Variants in POLE observed in about 807,000 individuals in gnomAD.
POLE encodes DNA polymerase epsilon, catalytic subunit.
In POLE, 188 loss-of-function variants were observed where a neutral mutation model predicts 279.2. The observed-to-expected ratio is 0.67, with a 90% CI of 0.60 to 0.76. The LOEUF is 0.76. Ranked by LOEUF, POLE falls within the 30% of genes least tolerant of loss-of-function variation. POLE has a pLI of 0.00. For synonymous variants in POLE, 1,214 were observed against 1,172.5 expected, an observed-to-expected ratio of 1.04 and a Z score of -0.72; for missense variants, 2,703 against 3,016.7, an observed-to-expected ratio of 0.90 and a Z score of 2.44.
rs1291111416 is a variant in POLE, at chr12:132,634,390, G to A, written c.5812-12C>T. On this transcript the variant is annotated splice_polypyrimidine_tract_variant and intron_variant, in intron 42 of 48. Coordinates refer to ENST00000320574, the MANE Select transcript of POLE (RefSeq NM_006231.4). This position sits in a 1 kb window ranked among gnomAD's most constrained non-coding sequence, Gnocchi z 4.0. Reference sequence around the variant, plus strand: ...TTCTGGGAGTCTTGCTGTAACACATGAGACAACGCGGCTGTGTTTGCACCA... The same window carrying A: ...TTCTGGGAGTCTTGCTGTAACACATAAGACAACGCGGCTGTGTTTGCACCA... 2 of 1,609,680 alleles carry A rather than the reference G, an allele frequency of 1.2e-6. No homozygotes were observed. The highest frequency in any genetic ancestry group is 2.7e-5 in the African/African-American group (2 of 74,842).
Position 132,672,431 on chromosome 12 carries a change from G to A in POLE, c.1687-109C>T, listed in dbSNP as rs5744783. Reference sequence around the variant, plus strand: ...GGCAGGTTGTGCCCGAGAAAGCTCCGGAAGGACTCATGTGCACAATCTGCA... The same window carrying A: ...GGCAGGTTGTGCCCGAGAAAGCTCCAGAAGGACTCATGTGCACAATCTGCA... On this transcript the variant is annotated intron_variant, in intron 15 of 48. Coordinates refer to ENST00000320574, the MANE Select transcript of POLE (RefSeq NM_006231.4). 0.47 allele frequency: 518,201 copies of A among 1,109,762 alleles called. 124,564 individuals are homozygous for A. The highest frequency in any genetic ancestry group is 0.7 in the East Asian group (29,273 of 41,950). 68.7% of individuals were successfully genotyped at this position (1,109,762 alleles called of 1,614,324 possible).
chr12:132,648,567 A>G lies in POLE; in HGVS notation c.4149+362T>C, dbSNP rs5744911. Reference sequence around the variant, plus strand: ...ATAGTCATGCCACTAAAAGTCATTGAATTCTGCACTTTAAATGGGTGAGTT... The same window carrying G: ...ATAGTCATGCCACTAAAAGTCATTGGATTCTGCACTTTAAATGGGTGAGTT... On this transcript the variant is annotated intron_variant, in intron 32 of 48. Transcript: ENST00000320574. 2.3e-3 allele frequency: 448 copies of G among 193,990 alleles called. 6 individuals carry two copies. Among genetic ancestry groups the G allele is most frequent in the African/African-American group, 9.5e-3 (411 of 43,210 alleles). The allele number at this position is 193,990 out of a possible 1,614,324, so 12.0% of individuals were successfully genotyped here.
intron 38 of POLE, 66 bp downstream of exon 38, chr12:132,642,111 G>A: frequency 1.5e-6 from 2 of 1,341,956 alleles, no homozygotes; most frequent in Admixed American, 2.1e-5. Context: ...ATTGCCTTGA[G>A]AAGATGTCAC....
chr12:132,655,985 A>G (rs1406974668), intron 29 of POLE, among the ~76,000 whole-genome samples: 1 of 152,184 alleles, frequency 6.6e-6, no homozygotes, highest in African/African-American at 2.4e-5. Context: ...CAACATGGTG[A>G]AACCCCGTCT....
At chr12:132,682,305 T>TAAAA (rs1295336108) in intron 1 of POLE, among the ~76,000 whole-genome samples, 1 of 75,712 alleles carries the variant, frequency 1.3e-5, no homozygotes, top group African/African-American at 4.4e-5. Flanking sequence ...AAAAAAAAAA[T>TAAAA]AAATAAAAAT....
intron 1 of POLE, among the ~76,000 whole-genome samples, chr12:132,686,510 G>A (rs888739875): frequency 3.3e-5 from 5 of 152,052 alleles, no homozygotes; most frequent in Non-Finnish European, 5.9e-5. Flanking sequence ...CGAGGCGGGC[G>A]GATCACCTGA....
In POLE at chr12:132,680,017, G is replaced by A. The variant is rs768524608; in HGVS notation, c.360C>T (p.Leu120=). ...CAATTTTGCCCTGAAACTTCTTGGA[G>A]AGAAAAGATGAAACTTCTCGCTCAC... ...KGCEREVSSF[L]SKKFQGKIAK... Residue 120 remains leucine, a synonymous_variant, in exon 5 of 49, where the codon CTC becomes CTT. Transcript: ENST00000320574. The A allele has an allele frequency of 1.9e-6, 3 of 1,613,944 alleles. No individual in the cohort carries two copies. The highest frequency in any genetic ancestry group is 3.3e-5 in the Admixed American group (2 of 59,984).
At chr12:132,638,520 A>C in intron 40 of POLE, 1 of 168,234 alleles carries the variant, frequency 5.9e-6, no homozygotes, top group Non-Finnish European at 1.3e-5. Flanking sequence ...CTGCACCAAG[A>C]AGCACTTTTA....
rs5744741 is a variant in POLE at position 132,680,078 on chromosome 12, T to C, written c.331-32A>G. The C allele has an allele frequency of 2.3e-4, 363 of 1,598,892 alleles. 2 individuals are homozygous for C. In the East Asian group the frequency reaches 7.9e-3, roughly 35 times the overall value. On this transcript the variant is annotated intron_variant, in intron 4 of 48. Transcript: ENST00000320574. ...AGGATCAGAATGAAAAGGCTTTCCATTGGTAAAATACATTTCCTTCCTTGC... is the reference window on the plus strand; with the variant it reads ...AGGATCAGAATGAAAAGGCTTTCCACTGGTAAAATACATTTCCTTCCTTGC...
intron 16 of POLE, among the ~76,000 whole-genome samples, chr12:132,670,667 A>C (rs998707787): frequency 6.7e-5 from 10 of 149,164 alleles, no homozygotes; most frequent in Non-Finnish European, 1.5e-4. Flanking sequence ...ATTTTTTTAT[A>C]TTTTTTTAGT....
rs777708394 is a variant in POLE at position 132,677,495 on chromosome 12, T to C, written c.721-52A>G. The C allele has an allele frequency of 1.2e-5, 19 of 1,609,864 alleles. No individual in the cohort carries two copies. The South Asian group carries it at 1.6e-4, about 14-fold the overall frequency. The stretch of plus-strand genomic sequence containing the variant: ...GAGTTCTACATCCAGGAAAGTCTAT[T>C]CTTCTGTGGATTCACCCATAATGAT... On this transcript the variant is annotated intron_variant, in intron 7 of 48. Transcript: ENST00000320574.
rs1188406057 is a variant in POLE at position 132,628,624 on chromosome 12, C to CA, written c.6331-2308dup. Reference sequence around the variant, plus strand: ...CACCACTGTATTCCAGCCTGGGCGACAGAGCAAGGAGGCTCCATCTCAAAA... The same window carrying CA: ...CACCACTGTATTCCAGCCTGGGCGACAAGAGCAAGGAGGCTCCATCTCAAAA... On this transcript the variant is annotated intron_variant, in intron 45 of 48. Coordinates refer to ENST00000320574, the MANE Select transcript of POLE (RefSeq NM_006231.4). Among the ~76,000 whole-genome samples the CA allele has an allele frequency of 3.9e-5, 6 of 152,216 alleles. No individual in the cohort carries two copies. The East Asian group carries it at 9.7e-4, about 25-fold the overall frequency.
chr12:132,631,705 G>A (rs5745039), intron 45 of POLE, among the ~76,000 whole-genome samples: 21,827 of 152,084 alleles, frequency 0.14, 1,667 homozygotes, highest in Admixed American at 0.19. Context: ...ATCCGAGCAA[G>A]CTCTCATCTC....
At chr12:132,641,195 C>G in intron 39 of POLE, 1 of 396,800 alleles carries the variant, frequency 2.5e-6, no homozygotes, top group South Asian at 1.9e-5. Flanking sequence ...TGAACCACCG[C>G]TGGTGGGTAA....
At chr12:132,630,390 C>A (rs552327224) in intron 45 of POLE, among the ~76,000 whole-genome samples, 1 of 152,164 alleles carries the variant, frequency 6.6e-6, no homozygotes, top group African/African-American at 2.4e-5. Flanking sequence ...AAAATTAACT[C>A]AAATGGATAA....
At chr12:132,646,185 T>TAC (rs1477957852) in intron 32 of POLE, among the ~76,000 whole-genome samples, 1 of 152,196 alleles carries the variant, frequency 6.6e-6, no homozygotes, top group Non-Finnish European at 1.5e-5. Context: ...CCAAAGAGTC[T>TAC]ACTGTCTGGT....
chr12:132,672,315 G>A lies in POLE; in HGVS notation c.1694C>T (p.Ala565Val), dbSNP rs1216458582. The A allele has an allele frequency of 1.9e-6, 3 of 1,613,802 alleles. No individual in the cohort carries two copies. The highest frequency in any genetic ancestry group is 1.7e-5 in the Admixed American group (1 of 60,032). Reference protein sequence around the residue: ...DIPCRFRMNPAAFDFLLQRVE... With the variant: ...DIPCRFRMNPVAFDFLLQRVE... ...CCGCTGCAGCAGGAAGTCAAAGGCG[G>A]CAGGATTCTAGCACAACAGTGAGAC... is the stretch of plus-strand genomic sequence containing the variant. The change falls in exon 16 of 49, where the codon GCC becomes GTC. Residue 565 changes from alanine to valine, a missense_variant. By Grantham distance (64) the Ala-to-Val change is moderately conservative. Around this residue, in one of 5 missense-constraint regions of POLE, gnomAD observed 1,011 missense variants for 1,111.7 expected, o/e 0.91. Coordinates refer to ENST00000320574, the MANE Select transcript of POLE (RefSeq NM_006231.4).
chr12:132,687,200 C>G, intron 1 of POLE, 54 bp downstream of exon 1: 1 of 1,251,472 alleles, frequency 8.0e-7, no homozygotes, highest in Middle Eastern at 2.9e-4. Flanking sequence ...CGAGGACGGC[C>G]CCATGGCACC....
rs878854886 is a variant in POLE at position 132,677,710 on chromosome 12, C to T, written c.588G>A (p.Gln196=). Residue 196 remains glutamine, a synonymous_variant, in exon 7 of 49, where the codon CAG becomes CAA. Transcript: ENST00000320574. ...CTTCATCAGTAATGACACCGCCCCT[C>T]TGCAGAACACTAGGAATTAACAAGA... ...AYTALLSSVL[Q]RGGVITDEEE... is the part of the protein sequence containing the mutation. 1 of 1,614,060 alleles carries T rather than the reference C, an allele frequency of 6.2e-7. No homozygotes were observed. Among genetic ancestry groups the T allele is most frequent in the Non-Finnish European group, 8.5e-7 (1 of 1,179,968 alleles).
Sources: gnomAD v4.1 joint callset for allele counts (sites outside exome capture counted in the v4.1 genomes callset) on GRCh38, gnomAD v4.1.1 for gene constraint, gnomAD v4.1.1 regional missense constraint, Gnocchi (gnomAD v3.1) non-coding constraint, MANE v1.5 for transcripts, NCBI Gene and HGNC (gene_info 2026-07-23, HGNC 2026-07-21) for gene names.